Variants in ACACB observed in about 807,000 individuals in gnomAD.
ACACB encodes the protein acetyl-CoA carboxylase beta, also known as acetyl-CoA carboxylase 2.
In ACACB, 209 loss-of-function variants were observed where a neutral mutation model predicts 278.8. The observed-to-expected ratio is 0.75, with a 90% confidence interval of 0.67 to 0.84. The LOEUF (loss-of-function observed/expected upper bound fraction) is 0.84, where lower values mean the gene tolerates loss of function less well. Among genes scored for constraint, ACACB ranks in the 40% least tolerant of loss-of-function variants. The probability of loss-of-function intolerance (pLI) is 0.00; values close to 1 mark genes in which losing one functional copy is unlikely to be tolerated. For synonymous variants in ACACB, 1,174 were observed against 1,285.6 expected (o/e 0.91, Z 1.86); for missense variants, 2,850 against 3,269.0 (o/e 0.87, Z 3.13).
chr12:109,186,814 G>T (rs550664450), intron 12 of ACACB, among the ~76,000 whole-genome samples: 31 of 152,206 alleles, frequency 2.0e-4, no homozygotes, highest in African/African-American at 7.5e-4. Flanking sequence ...ATGATGGCTC[G>T]TTCCCAGGTT....
intron 1 of ACACB, among the ~76,000 whole-genome samples, chr12:109,120,402 T>C (rs2042516813): frequency 6.6e-6 from 1 of 152,196 alleles, no homozygotes; most frequent in Admixed American, 6.5e-5. Flanking sequence ...TTGGTATTCA[T>C]AGCCACCTCT....
Position 109,174,548 on chromosome 12 carries a change from GA to G in ACACB, c.1216+334del, listed in dbSNP as rs34161814. On this transcript the variant is annotated intron_variant, in intron 7 of 52. Coordinates refer to ENST00000338432, the MANE Select transcript of ACACB (RefSeq NM_001093.4). ...ACCTTTTTCTGGCCATATTCTTTGG[GA>G]AAAAAAAAAAAAAAAGACAGATCTT... Among the ~76,000 whole-genome samples the G allele has an allele frequency of 8.2e-3, 1,098 of 133,118 alleles. 8 individuals are homozygous for G. Among genetic ancestry groups the G allele is most frequent in the African/African-American group, 0.023 (845 of 36,340 alleles). The allele number at this position is 133,118 out of a possible 152,430, so 87.3% of individuals were successfully genotyped here.
intron 4 of ACACB, among the ~76,000 whole-genome samples, chr12:109,168,642 C>T (rs983012566): frequency 1.3e-5 from 2 of 151,548 alleles, no homozygotes; most frequent in African/African-American, 4.9e-5. Context: ...ATAATAAGAC[C>T]CTGTCTCTAC....
chr12:109,240,563 T>C (rs2046766247), intron 35 of ACACB, among the ~76,000 whole-genome samples: 1 of 148,266 alleles, frequency 6.7e-6, no homozygotes, highest in East Asian at 1.9e-4. Flanking sequence ...ATCGATATAT[T>C]AATATTATTA....
At chr12:109,210,028 T>C (rs1199641492) in intron 21 of ACACB, among the ~76,000 whole-genome samples, 3 of 120,110 alleles carry the variant, frequency 2.5e-5, no homozygotes, top group Non-Finnish European at 5.4e-5. Context: ...CACGTGTGTA[T>C]ATATGTGTAT....
intron 21 of ACACB, among the ~76,000 whole-genome samples, 181 bp from the exon 22 acceptor site, chr12:109,212,655 C>A (rs1223705905): frequency 6.6e-6 from 1 of 152,174 alleles, no homozygotes; most frequent in East Asian, 1.9e-4. Flanking sequence ...TGGGGAGGGG[C>A]TGTAAATACA....
intron 2 of ACACB, among the ~76,000 whole-genome samples, chr12:109,152,096 T>C (rs2136081185): frequency 6.6e-6 from 1 of 152,330 alleles, no homozygotes; most frequent in South Asian, 2.1e-4. Flanking sequence ...TGTGAGGCTG[T>C]CTTTCAGGCT....
intron 2 of ACACB, 143 bp downstream of exon 2, chr12:109,140,201 A>T: frequency 1.5e-6 from 1 of 673,676 alleles, no homozygotes; most frequent in Non-Finnish European, 2.2e-6. Context: ...AGAAGACACG[A>T]GCCTTCTCAG....
intron 45 of ACACB, 58 bp downstream of exon 45, chr12:109,256,294 C>G (rs932096691): frequency 3.4e-6 from 5 of 1,475,958 alleles, no homozygotes; most frequent in Non-Finnish European, 4.7e-6. Flanking sequence ...ATTGGGGCCC[C>G]GAGGTGTGAG....
chr12:109,258,388 T>G, intron 46 of ACACB, 24 bp downstream of exon 46: 1 of 1,597,558 alleles, frequency 6.3e-7, no homozygotes, highest in Non-Finnish European at 8.5e-7. Context: ...GAGCTGTGGC[T>G]GCTGGTTTAG....
chr12:109,250,078 T>A lies in ACACB; in HGVS notation c.5764T>A (p.Tyr1922Asn). 2 of 1,612,622 alleles carry A rather than the reference T, an allele frequency of 1.2e-6. No homozygotes were observed. The highest frequency in any genetic ancestry group is 1.7e-6 in the Non-Finnish European group (2 of 1,179,418). The change falls in exon 41 of 53, where the codon TAC (tyrosine) becomes AAC (asparagine). Residue 1922 changes from tyrosine (Y) to asparagine (N), a missense_variant. Physicochemically the swap from Tyr to Asn is moderately radical, Grantham distance 143. Transcript: ENST00000338432. ...GMIAGESSLA[Y>N]EEIVTISLVT... Reference sequence around the variant, plus strand: ...GATTGCTGGGGAGTCCTCTCTGGCTTACGAAGAGATCGTCACCATTAGCTT... The same window carrying A: ...GATTGCTGGGGAGTCCTCTCTGGCTAACGAAGAGATCGTCACCATTAGCTT...
chr12:109,185,661 C>A lies in ACACB; in HGVS notation c.1901C>A (p.Ser634Tyr), dbSNP rs1450816537. The change falls in exon 12 of 53, where the codon TCT becomes TAT. Residue 634 changes from serine to tyrosine, a missense_variant. Physicochemically the swap from Ser to Tyr is moderately radical, Grantham distance 144. Around this residue, in one of 3 missense-constraint regions of ACACB, gnomAD observed 2,265 missense variants for 2,561.3 expected, o/e 0.88. Transcript: ENST00000338432. ...TCACCATGGGGAGTGACTCCCATTT[C>A]TTTTGAAACCCCCTCAAACCCTCCC... ...GESPWGVTPI[S>Y]FETPSNPPLA... 6.2e-7 allele frequency: 1 copy of A among 1,613,980 alleles called. No individual in the cohort carries two copies. The highest frequency in any genetic ancestry group is 1.1e-5 in the South Asian group (1 of 91,046).
Position 109,247,824 on chromosome 12 carries a change from A to G in ACACB, c.5669+121A>G, listed in dbSNP as rs150121089. 2.1e-4 allele frequency: 165 copies of G among 768,742 alleles called. No homozygotes were observed. In the African/African-American group the frequency reaches 2.2e-3, roughly 10 times the overall value. 47.6% of individuals were successfully genotyped at this position (768,742 alleles called of 1,614,324 possible). ...GGTGGTGTTTGTATGATGGGAACCAATGCCTGTTGGGGGCACTGATGCCTT... is the reference window on the plus strand; with the variant it reads ...GGTGGTGTTTGTATGATGGGAACCAGTGCCTGTTGGGGGCACTGATGCCTT... On this transcript the variant is annotated intron_variant, in intron 40 of 52. Coordinates refer to ENST00000338432, the MANE Select transcript of ACACB (RefSeq NM_001093.4).
intron 22 of ACACB, among the ~76,000 whole-genome samples, chr12:109,213,424 G>C (rs1459953845): frequency 6.6e-6 from 1 of 152,164 alleles, no homozygotes; most frequent in Non-Finnish European, 1.5e-5. Flanking sequence ...AGATACATTA[G>C]ATTGAGACAA....
At chr12:109,174,534 G>A (rs1030874449) in intron 7 of ACACB, among the ~76,000 whole-genome samples, 1 of 145,532 alleles carries the variant, frequency 6.9e-6, no homozygotes, top group African/African-American at 2.6e-5. Context: ...CCTTTTTCTG[G>A]CCATATTCTT....
At position 109,264,234 on chromosome 12, in the gene ACACB, G is replaced by T. The variant is rs554851210; in HGVS notation, c.6790G>T (p.Glu2264Ter). Residue 2264 changes from glutamate to a stop codon, truncating the protein, a stop_gained and splice_region_variant, in exon 50 of 53, where the codon GAA (glutamate) becomes TAA (stop). Transcript: ENST00000338432. LOFTEE classifies it high-confidence loss of function. Reference sequence around the variant, plus strand: ...CTGGCCTTTCTGCTCACCTGCAGGGGAACCTGATCTCTCCGACAAGGACCG... The same window carrying T: ...CTGGCCTTTCTGCTCACCTGCAGGGTAACCTGATCTCTCCGACAAGGACCG... ...AYKKLMEQLG[E>*]PDLSDKDRKD... The T allele has an allele frequency of 6.2e-7, 1 of 1,614,068 alleles. No individual in the cohort carries two copies. Among genetic ancestry groups the T allele is most frequent in the South Asian group, 1.1e-5 (1 of 91,076 alleles).
At chr12:109,242,780 G>T in intron 37 of ACACB, 188 bp downstream of exon 37, 1 of 627,078 alleles carries the variant, frequency 1.6e-6, no homozygotes, top group Non-Finnish European at 2.6e-6. Context: ...TTGAGCCCAG[G>T]AGTTGAAGAA....
intron 2 of ACACB, among the ~76,000 whole-genome samples, chr12:109,151,655 A>G (rs1402412947): frequency 1.3e-5 from 2 of 152,164 alleles, no homozygotes; most frequent in East Asian, 1.9e-4. Flanking sequence ...GGCCACATGC[A>G]TGCGGATTTT....
chr12:109,179,192 G>A lies in ACACB; in HGVS notation c.1542G>A (p.Val514=), dbSNP rs775148241. The A allele has an allele frequency of 6.2e-7, 1 of 1,614,138 alleles. No homozygotes were observed. Among genetic ancestry groups the A allele is most frequent in the Non-Finnish European group, 8.5e-7 (1 of 1,180,028 alleles). ...QILADQYGNA[V]SLFGRDCSIQ... ...TCGCTGACCAGTATGGGAATGCTGT[G>A]TCTCTGTTTGGTCGCGACTGCTCCA... Residue 514 remains valine, a synonymous_variant, in exon 10 of 53, where the codon GTG becomes GTA. Transcript: ENST00000338432.
Sources: gnomAD v4.1 joint callset for allele counts (sites outside exome capture counted in the v4.1 genomes callset) on GRCh38, gnomAD v4.1.1 for gene constraint, gnomAD v4.1.1 regional missense constraint, MANE v1.5 for transcripts, NCBI Gene and HGNC (gene_info 2026-07-23, HGNC 2026-07-21) for gene names.